The following DNAJB1 variants were observed in gnomAD, a reference collection of about 807,000 sequenced individuals.
DNAJB1 encodes the protein DnaJ heat shock protein family (Hsp40) member B1.
In DNAJB1, 14 loss-of-function variants were observed where a neutral mutation model predicts 24.0. The ratio of observed to expected loss-of-function variants is 0.58; its 90% confidence interval spans 0.39 to 0.91. DNAJB1 has a LOEUF of 0.91. Among genes scored for constraint, DNAJB1 ranks in the 40% least tolerant of loss-of-function variants. The pLI, the probability that DNAJB1 is intolerant of heterozygous loss-of-function variation, is 0.00. For missense variants in DNAJB1, 517 were observed against 458.1 expected (o/e 1.13, Z -1.17); for synonymous variants, 262 against 174.4 (o/e 1.50, Z -3.96).
At chr19:14,519,324 C>G (rs1447990964), upstream of DNAJB1, among the ~76,000 whole-genome samples, 1 of 152,116 alleles carries the variant, frequency 6.6e-6, no homozygotes, top group South Asian at 2.1e-4. Flanking sequence ...AGCCGAGATC[C>G]GGCCGTTGCA....
At chr19:14,558,044 C>A (rs1004369825) in intron 1 of DNAJB1, among the ~76,000 whole-genome samples, 2 of 152,178 alleles carry the variant, frequency 1.3e-5, no homozygotes, top group Non-Finnish European at 2.9e-5. Flanking sequence ...CGTGAGCCAC[C>A]ACGCCCGGCC....
At chr19:14,533,745 T>TTGAGAGA (rs1368671825), upstream of DNAJB1, among the ~76,000 whole-genome samples, 7 of 152,196 alleles carry the variant, frequency 4.6e-5, no homozygotes, top group African/African-American at 1.7e-4. Context: ...TGTGGCCTAA[T>TTGAGAGA]TGAGGTGAAG....
intron 1 of DNAJB1, among the ~76,000 whole-genome samples, chr19:14,548,682 A>G (rs1450998907): frequency 3.3e-5 from 5 of 151,842 alleles, no homozygotes; most frequent in Admixed American, 3.3e-4. Flanking sequence ...GGTTCAAGCA[A>G]TTCTCCTGTC....
At chr19:14,522,124 T>G (rs1198563861), upstream of DNAJB1, among the ~76,000 whole-genome samples, 1 of 152,192 alleles carries the variant, frequency 6.6e-6, no homozygotes, top group African/African-American at 2.4e-5. Flanking sequence ...AAAGCTGTTA[T>G]AGTTGTTTGT....
At chr19:14,553,147 G>A (rs1037682782), upstream of DNAJB1, among the ~76,000 whole-genome samples, 4 of 152,092 alleles carry the variant, frequency 2.6e-5, no homozygotes, top group Admixed American at 6.5e-5. Flanking sequence ...CCAGGAGCTC[G>A]TGCGTCCGAT....
intron 1 of DNAJB1, among the ~76,000 whole-genome samples, chr19:14,528,460 G>A (rs548425981): frequency 6.6e-6 from 1 of 150,650 alleles, no homozygotes; most frequent in Non-Finnish European, 1.5e-5. Context: ...GGCTGGTCTC[G>A]AACTCCTCAC....
At chr19:14,538,536 CTT>C (rs5827232) in intron 1 of DNAJB1, among the ~76,000 whole-genome samples, 289 of 136,718 alleles carry the variant, frequency 2.1e-3, no homozygotes, top group Middle Eastern at 3.7e-3. Flanking sequence ...TCTTTTTTTT[CTT>C]TTTTTTTTTT....
chr19:14,540,028 C>G (rs1025613060), intron 1 of DNAJB1, among the ~76,000 whole-genome samples: 3 of 151,210 alleles, frequency 2.0e-5, no homozygotes, highest in East Asian at 1.9e-4. Context: ...TACAGGTACC[C>G]GCCACCATGC....
At chr19:14,517,349 G>A (rs977947676) in intron 1 of DNAJB1, 1 of 338,368 alleles carries the variant, frequency 3.0e-6, no homozygotes. Context: ...ATCACCAAGA[G>A]ATGGCTAAAG....
At chr19:14,543,419 ATTTTTTTTTTTTT>A (rs1169742953) in intron 1 of DNAJB1, among the ~76,000 whole-genome samples, 761 of 21,330 alleles carry the variant, frequency 0.036, 25 homozygotes, top group South Asian at 0.053. Flanking sequence ...ATATATATAT[ATTTTTTTTTTTTT>A]TTTTTTTTTT....
At chr19:14,548,731 C>G (rs2073387563) in intron 1 of DNAJB1, among the ~76,000 whole-genome samples, 1 of 152,134 alleles carries the variant, frequency 6.6e-6, no homozygotes, top group Admixed American at 6.5e-5. Context: ...GCACGCATCA[C>G]CACGTCTGGC....
chr19:14,518,580 G>A (rs370451315), upstream of DNAJB1, among the ~76,000 whole-genome samples: 85 of 148,550 alleles, frequency 5.7e-4, 1 homozygote, highest in South Asian at 0.018. Flanking sequence ...GCGGGGCCAC[G>A]CCCCCTCCCG....
intron 1 of DNAJB1, among the ~76,000 whole-genome samples, chr19:14,543,170 C>T (rs2073159292): frequency 6.7e-6 from 1 of 149,396 alleles, no homozygotes; most frequent in African/African-American, 2.5e-5. Context: ...CTCCAGGCTC[C>T]TTGTGGGGAG....
chr19:14,529,528 G>A, upstream of DNAJB1: 2 of 885,112 alleles, frequency 2.3e-6, no homozygotes, highest in Non-Finnish European at 3.7e-6. Context: ...GAACGTGGGC[G>A]CCTCGTGCCC....
At chr19:14,545,323 G>T (rs2073264173) in intron 1 of DNAJB1, 1 of 402,510 alleles carries the variant, frequency 2.5e-6, no homozygotes, top group Admixed American at 2.8e-5. Context: ...TTCCCCGCCA[G>T]GGAGCCTCAT....
chr19:14,545,232 C>T, intron 1 of DNAJB1: 1 of 456,574 alleles, frequency 2.2e-6, no homozygotes, highest in Non-Finnish European at 4.4e-6. Flanking sequence ...TGCTTAGCTG[C>T]TCCCCCTAAA....
intron 2 of DNAJB1, 93 bp downstream of exon 2, chr19:14,516,373 C>A (rs2072261964): frequency 7.0e-7 from 1 of 1,423,990 alleles, no homozygotes; most frequent in Non-Finnish European, 9.6e-7. Context: ...CTGGCACGCA[C>A]CACACACCCC....
chr19:14,550,032 G>A lies in DNAJB1; in HGVS notation c.-214+176C>T, dbSNP rs187548315. ...TTCCTTTCTTTCTTCTTTCCATGTC[G>A]CACGTCACCTTTGAACATATTACAT... On this transcript the variant is annotated intron_variant, in intron 1 of 3. Coordinates refer to the DNAJB1 transcript ENST00000676982. Among the ~76,000 whole-genome samples the A allele has an allele frequency of 5.3e-5, 8 of 151,554 alleles. No homozygotes were observed. In the East Asian group the frequency reaches 5.8e-4, roughly 11 times the overall value.
At chr19:14,557,445 C>T (rs2073770072) in intron 1 of DNAJB1, among the ~76,000 whole-genome samples, 1 of 148,970 alleles carries the variant, frequency 6.7e-6, no homozygotes, top group Non-Finnish European at 1.5e-5. Context: ...CCCGCCTAAT[C>T]ATATTTATTC....
Sources: allele counts gnomAD v4.1 joint callset (sites outside exome capture counted in the v4.1 genomes callset), GRCh38; gene constraint gnomAD v4.1.1; transcripts MANE v1.5; gene names NCBI Gene and HGNC (gene_info 2026-07-23, HGNC 2026-07-21).